Variants in LMO7 observed in about 807,000 individuals in gnomAD.
LMO7 encodes the protein LIM domain only protein 7.
A neutral mutation model predicts 206.5 loss-of-function variants in LMO7; 120 were observed. The ratio of observed to expected loss-of-function variants is 0.58; its 90% CI spans 0.50 to 0.68. The LOEUF is 0.68. LMO7 is among the 30% of genes least tolerant of loss of function. LMO7 has a pLI of 0.00. For missense variants in LMO7, 1,959 were observed against 1,957.9 expected (o/e 1.00, Z -0.01); for synonymous variants, 706 against 681.5 (o/e 1.04, Z -0.56).
chr13:75,634,616 G>A (rs1201392994), upstream of LMO7, among the ~76,000 whole-genome samples: 1 of 152,158 alleles, frequency 6.6e-6, no homozygotes, highest in Non-Finnish European at 1.5e-5. Context: ...GGTGACGGGC[G>A]CCTGTAGTCC....
intron 4 of LMO7, among the ~76,000 whole-genome samples, chr13:75,786,784 C>T (rs2052514617): frequency 1.3e-5 from 2 of 152,192 alleles, no homozygotes; most frequent in South Asian, 4.1e-4. Context: ...GTCTAAGTTT[C>T]TACCTTGATC....
At chr13:75,706,521 A>G (rs2042667863) in intron 1 of LMO7, among the ~76,000 whole-genome samples, 1 of 150,168 alleles carries the variant, frequency 6.7e-6, no homozygotes, top group Non-Finnish European at 1.5e-5. Flanking sequence ...CTGTTAAAAC[A>G]TTTAAAGAGA....
At chr13:75,670,966 C>CTTTTTTTTTTTTT (rs552236505) in intron 1 of LMO7, among the ~76,000 whole-genome samples, 5 of 100,064 alleles carry the variant, frequency 5.0e-5, no homozygotes, top group Non-Finnish European at 8.2e-5. Context: ...ATGTTTAAAA[C>CTTTTTTTTTTTTT]TTTTTTTTTT....
At chr13:75,650,702 A>G (rs1453902384) in intron 1 of LMO7, among the ~76,000 whole-genome samples, 4 of 152,184 alleles carry the variant, frequency 2.6e-5, no homozygotes, top group Non-Finnish European at 5.9e-5. Flanking sequence ...GCATGTATTA[A>G]GTTTCTTCTT....
chr13:75,848,441 A>ATCTATCTG (rs2060178595), intron 26 of LMO7, among the ~76,000 whole-genome samples: 1 of 151,668 alleles, frequency 6.6e-6, no homozygotes, highest in African/African-American at 2.4e-5. Context: ...TTATCTATCT[A>ATCTATCTG]TCTATCTATC....
chr13:75,769,013 CTTA>C (rs1421938492), intron 4 of LMO7, among the ~76,000 whole-genome samples: 2 of 152,012 alleles, frequency 1.3e-5, no homozygotes, highest in Non-Finnish European at 2.9e-5. Context: ...GAAAGCCATG[CTTA>C]TTATTTAGTT....
chr13:75,801,020 T>C, intron 7 of LMO7, 138 bp downstream of exon 7: 1 of 732,442 alleles, frequency 1.4e-6, no homozygotes, highest in South Asian at 1.7e-5. Flanking sequence ...TGGAGTATAA[T>C]TGGGGGTTTT....
At chr13:75,621,764 G>A (rs1452473730) in exon 1 of LMO7, 1 of 1,612,996 alleles carries the variant, frequency 6.2e-7, no homozygotes, top group Non-Finnish European at 8.5e-7. Flanking sequence ...CTCTTCCAGA[G>A]AACAGAGCTC....
chr13:75,642,876 A>C (rs899504668), intron 1 of LMO7, among the ~76,000 whole-genome samples: 1 of 152,240 alleles, frequency 6.6e-6, no homozygotes, highest in Non-Finnish European at 1.5e-5. Context: ...TTAAACATTT[A>C]TGTAACAAAT....
At chr13:75,787,212 G>T (rs2052575881) in intron 4 of LMO7, among the ~76,000 whole-genome samples, 1 of 152,132 alleles carries the variant, frequency 6.6e-6, no homozygotes, top group Non-Finnish European at 1.5e-5. Context: ...TCTGTTTGTG[G>T]TTTACCGTCT....
At chr13:75,629,996 C>T (rs1029486290) in intron 2 of LMO7, among the ~76,000 whole-genome samples, 1 of 152,042 alleles carries the variant, frequency 6.6e-6, no homozygotes, top group Non-Finnish European at 1.5e-5. Context: ...TTCTAGGACC[C>T]CTGTTCATAC....
chr13:75,823,939 T>C, intron 15 of LMO7, 66 bp downstream of exon 15: 1 of 1,310,870 alleles, frequency 7.6e-7, no homozygotes, highest in Non-Finnish European at 1.1e-6. Flanking sequence ...CTGGAAACCA[T>C]GTCTCAAATG....
chr13:75,626,595 A>ATATATATATATATATTTTTTT, intron 2 of LMO7, among the ~76,000 whole-genome samples: 5 of 71,094 alleles, frequency 7.0e-5, no homozygotes, highest in Admixed American at 1.5e-4. Flanking sequence ...ATATATATAA[A>ATATATATATATATATTTTTTT]TTTTTTTGAG....
At chr13:75,682,216 T>G (rs1001749372) in intron 1 of LMO7, among the ~76,000 whole-genome samples, 2 of 152,190 alleles carry the variant, frequency 1.3e-5, no homozygotes, top group Non-Finnish European at 2.9e-5. Flanking sequence ...TATGCAGTAG[T>G]GGTTTTAATC....
intron 1 of LMO7, among the ~76,000 whole-genome samples, chr13:75,710,523 A>C (rs2138058601): frequency 6.6e-6 from 1 of 151,844 alleles, no homozygotes; most frequent in Middle Eastern, 3.4e-3. Flanking sequence ...CATCCCTTGT[A>C]AGTTGGATTC....
intron 4 of LMO7, among the ~76,000 whole-genome samples, chr13:75,773,649 A>T (rs890884086): frequency 6.6e-6 from 1 of 152,232 alleles, no homozygotes; most frequent in East Asian, 1.9e-4. Context: ...CTGTGCAACC[A>T]TTAAAAGAAA....
At chr13:75,623,259 C>T in intron 1 of LMO7, 2 of 1,338,798 alleles carry the variant, frequency 1.5e-6, no homozygotes, top group Non-Finnish European at 2.1e-6. Context: ...CTAATCATGA[C>T]TTTTTACACA....
intron 22 of LMO7, 81 bp downstream of exon 22, chr13:75,840,576 A>G (rs540151581): frequency 6.6e-7 from 1 of 1,509,786 alleles, no homozygotes; most frequent in Non-Finnish European, 9.0e-7. Context: ...GTATTGAGAA[A>G]CTAATTTTAA....
chr13:75,678,411 G>A (rs2040207436), intron 1 of LMO7, among the ~76,000 whole-genome samples: 1 of 152,168 alleles, frequency 6.6e-6, no homozygotes, highest in African/African-American at 2.4e-5. Flanking sequence ...ATTTTTTCAT[G>A]TGTCTTTTGG....
Sources: allele counts gnomAD v4.1 joint callset (sites outside exome capture counted in the v4.1 genomes callset), GRCh38; gene constraint gnomAD v4.1.1; transcripts MANE v1.5; gene names NCBI Gene and HGNC (gene_info 2026-07-23, HGNC 2026-07-21).